The following STK4 variants were observed in gnomAD, a reference collection of about 807,000 sequenced individuals.
STK4 encodes serine/threonine kinase 4.
STK4 carries 30 observed loss-of-function variants against 64.9 expected under a neutral mutation model. That is an observed-to-expected ratio of 0.46 (90% CI 0.35 to 0.63). The LOEUF (loss-of-function observed/expected upper bound fraction) is 0.63. Among genes scored for constraint, STK4 ranks in the 20% least tolerant of loss-of-function variants. STK4 has a pLI of 0.01. For missense variants in STK4, 466 were observed against 598.5 expected, an observed-to-expected ratio of 0.78 and a Z score of 2.31; for synonymous variants, 177 against 199.0, an observed-to-expected ratio of 0.89 and a Z score of 0.93.
At chr20:45,011,951 A>G (rs2068059000) in intron 9 of STK4, among the ~76,000 whole-genome samples, 1 of 150,542 alleles carries the variant, frequency 6.6e-6, no homozygotes, top group Non-Finnish European at 1.5e-5. Context: ...TTCTTTGACT[A>G]TTTGTCTGCA....
chr20:44,971,434 T>C (rs1158753269), intron 1 of STK4, among the ~76,000 whole-genome samples: 2 of 152,198 alleles, frequency 1.3e-5, no homozygotes, highest in Non-Finnish European at 1.5e-5. Flanking sequence ...CTACAGAATT[T>C]ATGTGTTTTG....
In STK4 at chr20:45,031,550, A is replaced by G. The variant is rs2068443399; in HGVS notation, c.1305+6420A>G. 7.9e-5 allele frequency among the ~76,000 whole-genome samples: 12 copies of G among 152,290 alleles called. No individual in the cohort carries two copies. The South Asian group carries it at 2.5e-3, about 32-fold the overall frequency. On this transcript the variant is annotated intron_variant, in intron 10 of 10. Coordinates refer to ENST00000372806, the MANE Select transcript of STK4 (RefSeq NM_006282.5). ...ACAACCGAAAAGTTTAAAACAGAGG[A>G]ATGGAAAAAGATACACTAGGCAAAT...
chr20:45,040,437 A>T (rs1054883663), intron 10 of STK4, among the ~76,000 whole-genome samples: 2 of 152,054 alleles, frequency 1.3e-5, no homozygotes. Context: ...ATCTGTTTCA[A>T]TCCTTTCATC....
intron 9 of STK4, among the ~76,000 whole-genome samples, chr20:45,019,576 AC>A (rs1466391906): frequency 1.3e-5 from 2 of 152,232 alleles, no homozygotes; most frequent in African/African-American, 2.4e-5. Context: ...ATTTAGCTTG[AC>A]AAATGCTGCT....
intron 9 of STK4, among the ~76,000 whole-genome samples, chr20:45,005,446 C>A (rs535403318): frequency 6.6e-6 from 1 of 151,990 alleles, no homozygotes; most frequent in South Asian, 2.1e-4. Context: ...GAGATCGAGA[C>A]CATCCTGGCT....
At chr20:44,996,484 G>C (rs1474903171) in intron 6 of STK4, among the ~76,000 whole-genome samples, 2 of 152,148 alleles carry the variant, frequency 1.3e-5, no homozygotes, top group Admixed American at 6.5e-5. Context: ...TTTTTTGGGA[G>C]AAGGAGTGAG....
intron 10 of STK4, among the ~76,000 whole-genome samples, chr20:45,025,787 A>G (rs1201868976): frequency 1.3e-5 from 2 of 152,148 alleles, no homozygotes; most frequent in South Asian, 2.1e-4. Context: ...TTATTTTTAC[A>G]TTCTAAAATT....
At chr20:45,058,003 A>G (rs545131052) in intron 10 of STK4, among the ~76,000 whole-genome samples, 2 of 152,162 alleles carry the variant, frequency 1.3e-5, no homozygotes, top group Admixed American at 1.3e-4. Context: ...TAGAGTCTTC[A>G]ACCAGAAAAA....
intron 4 of STK4, among the ~76,000 whole-genome samples, chr20:44,982,161 G>T (rs6031904): frequency 0.18 from 26,586 of 148,112 alleles, 2,586 homozygotes; most frequent in African/African-American, 0.22. Context: ...ACCCAGGCTG[G>T]AGTGTAGTGG....
At position 44,973,790 on chromosome 20, in the gene STK4, T is replaced by C. The variant is rs1601177780; in HGVS notation, c.116+1632T>C. The stretch of plus-strand genomic sequence containing the variant: ...GATAATAATATATCAATTCATAGAG[T>C]TGTGTTATTACCTGAGGTAATTGGG... On this transcript the variant is annotated intron_variant, in intron 2 of 10. Transcript: ENST00000372806. 2.0e-5 allele frequency among the ~76,000 whole-genome samples: 3 copies of C among 152,108 alleles called. No individual in the cohort carries two copies. In the South Asian group the frequency reaches 6.2e-4, roughly 32 times the overall value.
At chr20:44,992,759 A>T (rs1245295122) in intron 5 of STK4, among the ~76,000 whole-genome samples, 2 of 152,054 alleles carry the variant, frequency 1.3e-5, no homozygotes, top group Non-Finnish European at 2.9e-5. Flanking sequence ...CAGTAGCGCA[A>T]TCTTGGCTCA....
At chr20:45,062,435 A>G (rs901088739) in intron 10 of STK4, among the ~76,000 whole-genome samples, 1 of 152,156 alleles carries the variant, frequency 6.6e-6, no homozygotes, top group African/African-American at 2.4e-5. Context: ...TCCTTTAGGC[A>G]TATACCCAGC....
At chr20:44,981,406 C>T (rs148125341) in intron 3 of STK4, among the ~76,000 whole-genome samples, 3,815 of 152,172 alleles carry the variant, frequency 0.025, 139 homozygotes, top group African/African-American at 0.082. Context: ...CCGCCCGCAT[C>T]GGCCTCCCAA....
At position 45,025,078 on chromosome 20, in the gene STK4, C is replaced by T. The variant is rs1207145613; in HGVS notation, c.1253C>T (p.Pro418Leu). Reference sequence around the variant, plus strand: ...AGCTTTGGCAAGAGTGTACCTGGTCCACTGAAAAATTCTTCAGATTGGAAA... The same window carrying T: ...AGCTTTGGCAAGAGTGTACCTGGTCTACTGAAAAATTCTTCAGATTGGAAA... ...INSFGKSVPG[P>L]LKNSSDWKIP... Residue 418 changes from proline (P) to leucine (L), a missense_variant, in exon 10 of 11, where the codon CCA (proline) becomes CTA (leucine). Physicochemically the swap from Pro to Leu is moderately conservative, Grantham distance 98 (BLOSUM62 -3). Coordinates refer to ENST00000372806, the MANE Select transcript of STK4 (RefSeq NM_006282.5). The T allele has an allele frequency of 6.2e-7, 1 of 1,612,588 alleles. No individual in the cohort carries two copies. Among genetic ancestry groups the T allele is most frequent in the Non-Finnish European group, 8.5e-7 (1 of 1,179,292 alleles).
chr20:45,011,666 T>A, intron 9 of STK4, among the ~76,000 whole-genome samples: 1 of 145,414 alleles, frequency 6.9e-6, no homozygotes, highest in African/African-American at 2.5e-5. Flanking sequence ...AACCTAATAA[T>A]TCTTGTGTAG....
chr20:45,039,441 G>A (rs1196469443), intron 10 of STK4, among the ~76,000 whole-genome samples: 2 of 152,028 alleles, frequency 1.3e-5, no homozygotes, highest in African/African-American at 2.4e-5. Context: ...TTCATTTGAA[G>A]GTTTGAATTT....
intron 3 of STK4, among the ~76,000 whole-genome samples, chr20:44,978,820 A>G (rs1260257399): frequency 7.1e-6 from 1 of 141,512 alleles, no homozygotes; most frequent in East Asian, 2.0e-4. Flanking sequence ...TTTTTCTGAG[A>G]CAAAGTCTCG....
At position 45,022,116 on chromosome 20, in the gene STK4, G is replaced by A. The variant is rs369722580; in HGVS notation, c.1148-2857G>A. On this transcript the variant is annotated intron_variant, in intron 9 of 10. Coordinates refer to ENST00000372806, the MANE Select transcript of STK4 (RefSeq NM_006282.5). Reference sequence around the variant, plus strand: ...AAAATTTGAGGAGAGGAATTTTTCCGTTCTTCTGTCTCCAAAATCAACTTT... The same window carrying A: ...AAAATTTGAGGAGAGGAATTTTTCCATTCTTCTGTCTCCAAAATCAACTTT... Among the ~76,000 whole-genome samples the A allele has an allele frequency of 6.1e-4, 92 of 152,050 alleles. 2 individuals are homozygous for A. The highest frequency in any genetic ancestry group is 3.3e-3 in the Admixed American group (50 of 15,274).
At chr20:45,011,729 A>ATATATATATATATATATATATTTT (rs60170856) in intron 9 of STK4, among the ~76,000 whole-genome samples, 3 of 115,400 alleles carry the variant, frequency 2.6e-5, no homozygotes, top group African/African-American at 1.1e-4. Flanking sequence ...ATATATATAT[A>ATATATATATATATATATATATTTT]TTTTTTTTTT....
Sources: gnomAD v4.1 joint callset for allele counts (sites outside exome capture counted in the v4.1 genomes callset) on GRCh38, gnomAD v4.1.1 for gene constraint, MANE v1.5 for transcripts, NCBI Gene and HGNC (gene_info 2026-07-23, HGNC 2026-07-21) for gene names.